Variants in GABRA5 observed in about 807,000 individuals in gnomAD.
The protein encoded by GABRA5 is gamma-aminobutyric acid receptor subunit alpha-5.
In GABRA5, 18 loss-of-function variants were observed where a neutral mutation model predicts 47.3. That is an observed-to-expected ratio of 0.38 (90% confidence interval 0.26 to 0.56). GABRA5 has a LOEUF of 0.56. GABRA5 is among the 20% of genes least tolerant of loss of function. The probability of loss-of-function intolerance (pLI) is 0.71; values close to 1 mark genes in which losing one functional copy is unlikely to be tolerated. For synonymous variants in GABRA5, 237 were observed against 229.3 expected, an observed-to-expected ratio of 1.03 and a Z score of -0.30; for missense variants, 365 against 599.3, an observed-to-expected ratio of 0.61 and a Z score of 4.08.
At chr15:26,914,119 G>A (rs1329270275) in intron 6 of GABRA5, among the ~76,000 whole-genome samples, 2 of 152,104 alleles carry the variant, frequency 1.3e-5, no homozygotes, top group Middle Eastern at 3.2e-3. Flanking sequence ...CAGTGACAGT[G>A]GTAGTGCTCG....
chr15:26,916,023 T>C (rs1893709543), intron 7 of GABRA5, among the ~76,000 whole-genome samples: 1 of 152,168 alleles, frequency 6.6e-6, no homozygotes, highest in Admixed American at 6.5e-5. Flanking sequence ...TCATCTCTCT[T>C]TCACCATGTA....
At chr15:26,917,768 T>C (rs141494754) in intron 7 of GABRA5, among the ~76,000 whole-genome samples, 3,990 of 152,174 alleles carry the variant, frequency 0.026, 83 homozygotes, top group Non-Finnish European at 0.039. Context: ...GACTTCCTAT[T>C]TCTTTGTGAT....
At chr15:26,873,197 C>T (rs901306433) in intron 3 of GABRA5, among the ~76,000 whole-genome samples, 5 of 151,924 alleles carry the variant, frequency 3.3e-5, no homozygotes, top group Admixed American at 2.6e-4. Flanking sequence ...AATATTGGCA[C>T]CAATATAATG....
At chr15:26,891,350 C>A (rs188280143) in intron 6 of GABRA5, among the ~76,000 whole-genome samples, 2 of 152,306 alleles carry the variant, frequency 1.3e-5, no homozygotes, top group East Asian at 3.9e-4. Flanking sequence ...CTTTATCGTC[C>A]TTCACAACAG....
At chr15:26,943,504 A>G (rs1859460104) in intron 10 of GABRA5, 78 bp downstream of exon 10, 1 of 1,302,278 alleles carries the variant, frequency 7.7e-7, no homozygotes, top group African/African-American at 1.5e-5. Flanking sequence ...AACATGAGAC[A>G]AGGTGCTGCT....
intron 7 of GABRA5, among the ~76,000 whole-genome samples, chr15:26,925,089 G>A (rs959195943): frequency 6.6e-6 from 1 of 151,938 alleles, no homozygotes; most frequent in Admixed American, 6.6e-5. Flanking sequence ...TCTGAAAGTG[G>A]CAATCCCCCT....
intron 8 of GABRA5, 48 bp downstream of exon 8, chr15:26,937,376 C>A: frequency 6.5e-7 from 1 of 1,548,712 alleles, no homozygotes. Flanking sequence ...CAGGACACCA[C>A]ACCCTTGGAG....
intron 7 of GABRA5, among the ~76,000 whole-genome samples, chr15:26,924,625 C>T (rs188704402): frequency 1.1e-3 from 164 of 152,272 alleles, no homozygotes; most frequent in African/African-American, 3.8e-3. Flanking sequence ...TGGTGTCACT[C>T]CATCAGTGGG....
intron 10 of GABRA5, 97 bp downstream of exon 10, chr15:26,943,523 C>T: frequency 1.9e-6 from 2 of 1,061,140 alleles, no homozygotes; most frequent in Non-Finnish European, 1.4e-6. Context: ...CTCCTTCCTA[C>T]CCGCCAGCCC....
At chr15:26,942,665 G>A (rs1472029305) in intron 9 of GABRA5, among the ~76,000 whole-genome samples, 4 of 152,162 alleles carry the variant, frequency 2.6e-5, no homozygotes, top group Non-Finnish European at 5.9e-5. Context: ...CTTTGTTCAT[G>A]GCAGTGGGAG....
intron 9 of GABRA5, among the ~76,000 whole-genome samples, chr15:26,942,509 C>A (rs1894409145): frequency 6.6e-6 from 1 of 152,236 alleles, no homozygotes; most frequent in Non-Finnish European, 1.5e-5. Context: ...GAGCCCTCTA[C>A]TTCCAGGTGC....
intron 6 of GABRA5, among the ~76,000 whole-genome samples, chr15:26,884,540 G>A (rs758388605): frequency 1.3e-5 from 2 of 152,052 alleles, no homozygotes; most frequent in African/African-American, 2.4e-5. Context: ...CATAGGTACT[G>A]GAATTTCTCT....
At chr15:26,902,898 A>G (rs1893359067) in intron 6 of GABRA5, among the ~76,000 whole-genome samples, 1 of 152,130 alleles carries the variant, frequency 6.6e-6, no homozygotes. Flanking sequence ...ATTAATATGA[A>G]CATGTGATTT....
rs1439193807 is a variant in GABRA5, at chr15:26,932,140, GCTT to G, written c.581-5042_581-5040del. Among the ~76,000 whole-genome samples the G allele has an allele frequency of 3.3e-5, 5 of 152,118 alleles. No individual in the cohort carries two copies. In the South Asian group the frequency reaches 1.0e-3, roughly 32 times the overall value. On this transcript the variant is annotated intron_variant, in intron 7 of 10. Coordinates refer to ENST00000335625, the MANE Select transcript of GABRA5 (RefSeq NM_000810.4). ...AAATGGGACCTAATTAAACTAAAGA[GCTT>G]CTGCACAGCAAAAGACACTATCATC...
At chr15:26,873,263 T>C (rs889548943) in intron 3 of GABRA5, among the ~76,000 whole-genome samples, 2 of 152,192 alleles carry the variant, frequency 1.3e-5, no homozygotes, top group African/African-American at 4.8e-5. Flanking sequence ...ATTAAGAAAA[T>C]CATACTTTAT....
intron 6 of GABRA5, among the ~76,000 whole-genome samples, chr15:26,898,514 A>G (rs1306017350): frequency 1.3e-5 from 2 of 152,218 alleles, no homozygotes; most frequent in Non-Finnish European, 2.9e-5. Context: ...AGAGGCATTC[A>G]GAATTGTGGA....
At chr15:26,930,006 C>CTTTTTTTT (rs72082419) in intron 7 of GABRA5, among the ~76,000 whole-genome samples, 17 of 113,378 alleles carry the variant, frequency 1.5e-4, no homozygotes, top group East Asian at 6.0e-4. Flanking sequence ...TCTTCTTCTT[C>CTTTTTTTT]TTTTTTTTTT....
At chr15:26,903,805 TTG>T (rs935687873) in intron 6 of GABRA5, among the ~76,000 whole-genome samples, 10 of 152,126 alleles carry the variant, frequency 6.6e-5, no homozygotes, top group African/African-American at 2.4e-4. Context: ...ACAGGATGTT[TTG>T]TTTTTTTTTC....
intron 10 of GABRA5, among the ~76,000 whole-genome samples, chr15:26,946,381 C>T (rs541659889): frequency 2.6e-5 from 4 of 151,580 alleles, no homozygotes; most frequent in Non-Finnish European, 4.4e-5. Flanking sequence ...TCCTCACCAC[C>T]TGTCACCTCT....
Sources: gnomAD v4.1 joint callset for allele counts (sites outside exome capture counted in the v4.1 genomes callset) on GRCh38, gnomAD v4.1.1 for gene constraint, MANE v1.5 for transcripts, NCBI Gene and HGNC (gene_info 2026-07-23, HGNC 2026-07-21) for gene names.